The following URGCP variants were observed in gnomAD, a reference collection of about 807,000 sequenced individuals.
URGCP encodes up-regulator of cell proliferation.
Under a neutral mutation model 24.6 loss-of-function variants are expected in URGCP, and 13 were observed. The observed-to-expected ratio is 0.53, with a 90% CI of 0.34 to 0.84. The LOEUF (loss-of-function observed/expected upper bound fraction) is 0.84. Ranked by LOEUF, URGCP falls within the 40% of genes least tolerant of loss-of-function variation. The probability of loss-of-function intolerance (pLI) is 0.01; values close to 1 mark genes in which losing one functional copy is unlikely to be tolerated. For synonymous variants in URGCP, 444 were observed against 487.2 expected (o/e 0.91, Z 1.17); for missense variants, 899 against 1,194.3 (o/e 0.75, Z 3.64).
chr7:43,890,047 G>GGT (rs2095868189), intron 1 of URGCP, among the ~76,000 whole-genome samples: 1 of 151,688 alleles, frequency 6.6e-6, no homozygotes, highest in Admixed American at 6.6e-5. Context: ...TGGGATTACA[G>GGT]GCATGCGCCA....
At chr7:43,895,516 A>G (rs2095876967) in intron 1 of URGCP, among the ~76,000 whole-genome samples, 1 of 152,218 alleles carries the variant, frequency 6.6e-6, no homozygotes, top group Non-Finnish European at 1.5e-5. Flanking sequence ...TCTCTATAAA[A>G]ATATAAAAAT....
chr7:43,921,555 G>C (rs1258387280), intron 1 of URGCP, among the ~76,000 whole-genome samples: 1 of 152,218 alleles, frequency 6.6e-6, no homozygotes, highest in African/African-American at 2.4e-5. Context: ...ATGTTTTACA[G>C]TTATAAACTT....
chr7:43,883,349 TATATATA>T (rs2095857203), intron 3 of URGCP, among the ~76,000 whole-genome samples: 4 of 98,908 alleles, frequency 4.0e-5, no homozygotes, highest in African/African-American at 1.7e-4. Context: ...TATATATATA[TATATATA>T]TATATATTTT....
At chr7:43,914,909 G>A (rs1193221057) in intron 1 of URGCP, among the ~76,000 whole-genome samples, 4 of 152,170 alleles carry the variant, frequency 2.6e-5, no homozygotes, top group Non-Finnish European at 2.9e-5. Context: ...ACATGCCCAT[G>A]GTGAAAAATT....
intron 1 of URGCP, chr7:43,905,761 GAA>G (rs1562586629): frequency 6.6e-6 from 1 of 152,162 alleles, no homozygotes; most frequent in Non-Finnish European, 1.5e-5. Flanking sequence ...TTTGTAAAAT[GAA>G]AGTGTTGGAC....
intron 1 of URGCP, among the ~76,000 whole-genome samples, chr7:43,920,316 T>C (rs2095920827): frequency 6.6e-6 from 1 of 152,184 alleles, no homozygotes; most frequent in Non-Finnish European, 1.5e-5. Context: ...TCCCAGCGCT[T>C]TGGGAGGCTA....
In URGCP at chr7:43,878,611, G is replaced by A; in HGVS notation, c.852C>T (p.Ser284=). The A allele has an allele frequency of 1.2e-6, 2 of 1,613,884 alleles. No individual in the cohort carries two copies. Among genetic ancestry groups the A allele is most frequent in the Non-Finnish European group, 1.7e-6 (2 of 1,180,050 alleles). ...AGCAGTCCCACTGCCTGTGGCCCGG[G>A]CTGAGGACGGCGTTGAGAAGCTGGG... ...SKSQLLNAVL[S]PGHRQWDCFW... The change falls in exon 6 of 6, where the codon AGC becomes AGT. Residue 284 remains serine, a synonymous_variant. Transcript: ENST00000453200. This position sits in a 1 kb window ranked among gnomAD's most constrained non-coding sequence, Gnocchi z 5.6.
intron 1 of URGCP, among the ~76,000 whole-genome samples, chr7:43,899,441 A>G (rs766338600): frequency 8.6e-5 from 13 of 151,790 alleles, no homozygotes; most frequent in Non-Finnish European, 1.8e-4. Flanking sequence ...TTAAAAGTCA[A>G]TTCTCTCTAA....
upstream of URGCP, among the ~76,000 whole-genome samples, chr7:43,911,379 G>A (rs2095909902): frequency 6.6e-6 from 1 of 151,438 alleles, no homozygotes; most frequent in African/African-American, 2.4e-5. Context: ...CAGCCTGGGT[G>A]ACAGAGCGAG....
chr7:43,884,527 G>A (rs1398301211), intron 3 of URGCP, among the ~76,000 whole-genome samples: 2 of 152,134 alleles, frequency 1.3e-5, no homozygotes, highest in Non-Finnish European at 2.9e-5. Context: ...CTCCAAGTAA[G>A]GCCATTAAAA....
In URGCP at chr7:43,893,384, T is replaced by C. The variant is rs576416681; in HGVS notation, c.15-5568A>G. Among the ~76,000 whole-genome samples, 3 of 152,200 alleles carry C rather than the reference T, an allele frequency of 2.0e-5. No individual in the cohort carries two copies. The East Asian group carries it at 5.8e-4, about 29-fold the overall frequency. Reference sequence around the variant, plus strand: ...ATAAAATGAAAAAATTAGCTGGGCATGGTGCATGCACCTGTAGTCCCAGCT... The same window carrying C: ...ATAAAATGAAAAAATTAGCTGGGCACGGTGCATGCACCTGTAGTCCCAGCT... On this transcript the variant is annotated intron_variant, in intron 1 of 5. Coordinates refer to ENST00000453200, the MANE Select transcript of URGCP (RefSeq NM_001077663.3).
intron 1 of URGCP, among the ~76,000 whole-genome samples, chr7:43,904,959 G>A (rs763702321): frequency 1.6e-4 from 25 of 152,282 alleles, no homozygotes; most frequent in Middle Eastern, 3.4e-3. Context: ...TGCATGACTT[G>A]TATACTAAAG....
chr7:43,881,487 T>TG (rs113817707), intron 5 of URGCP, among the ~76,000 whole-genome samples, 172 bp downstream of exon 5: 71 of 151,246 alleles, frequency 4.7e-4, no homozygotes, highest in African/African-American at 1.7e-3. Context: ...TTTTTTTTTT[T>TG]TTTTTTTTAG....
rs771100769 is a variant in URGCP at position 43,877,018 on chromosome 7, G to A, written c.2445C>T (p.Tyr815=). 9 of 1,614,126 alleles carry A rather than the reference G, an allele frequency of 5.6e-6. No homozygotes were observed. The highest frequency in any genetic ancestry group is 1.3e-5 in the African/African-American group (1 of 74,938). The stretch of plus-strand genomic sequence containing the variant: ...CATGAAGGTTCTGGTATACAAACTG[G>A]TAGTTGGGCATGTGCCCCGTTTTTT... ...RLEKTGHMPN[Y]QFVYQNLHDV... The change falls in exon 6 of 6, where the codon TAC becomes TAT. Residue 815 remains tyrosine, a synonymous_variant. Transcript: ENST00000453200.
chr7:43,897,272 A>G (rs1201047133), intron 1 of URGCP, among the ~76,000 whole-genome samples: 2 of 152,250 alleles, frequency 1.3e-5, no homozygotes, highest in Admixed American at 1.3e-4. Context: ...TGCTACAGAG[A>G]AAACAAGGCA....
chr7:43,920,312 C>T (rs2095920803), intron 1 of URGCP, among the ~76,000 whole-genome samples: 1 of 152,160 alleles, frequency 6.6e-6, no homozygotes, highest in Admixed American at 6.5e-5. Flanking sequence ...GCAATCCCAG[C>T]GCTTTGGGAG....
chr7:43,884,996 GT>G (rs1427471156), intron 3 of URGCP, among the ~76,000 whole-genome samples: 1 of 152,042 alleles, frequency 6.6e-6, no homozygotes, highest in Non-Finnish European at 1.5e-5. Flanking sequence ...GGGGGCATGG[GT>G]TTTCTTCAGC....
chr7:43,913,116 G>A (rs2095911874), intron 1 of URGCP, among the ~76,000 whole-genome samples: 1 of 152,188 alleles, frequency 6.6e-6, no homozygotes, highest in African/African-American at 2.4e-5. Context: ...CTCCCTAAGT[G>A]CTGGGATTAC....
chr7:43,911,083 TAGAC>T (rs1419053054), upstream of URGCP, among the ~76,000 whole-genome samples: 3 of 151,878 alleles, frequency 2.0e-5, no homozygotes, highest in East Asian at 3.9e-4. Context: ...CATAAGAAAA[TAGAC>T]AGCCTGAACA....
Sources: gnomAD v4.1 joint callset for allele counts (sites outside exome capture counted in the v4.1 genomes callset) on GRCh38, gnomAD v4.1.1 for gene constraint, Gnocchi (gnomAD v3.1) non-coding constraint, MANE v1.5 for transcripts, NCBI Gene and HGNC (gene_info 2026-07-23, HGNC 2026-07-21) for gene names.